LRP1B: variants seen among roughly 807,000 people sequenced by gnomAD.
LRP1B encodes low-density lipoprotein receptor-related protein 1B.
LRP1B carries 217 observed loss-of-function variants against 556.6 expected under a neutral mutation model. That is an observed-to-expected ratio of 0.39 (90% CI 0.35 to 0.44). The LOEUF is 0.44. LRP1B is among the 20% of genes least tolerant of loss of function. The pLI is 1.00. For missense variants in LRP1B, 5,053 were observed against 5,620.8 expected (o/e 0.90, Z 3.23); for synonymous variants, 2,047 against 1,865.8 (o/e 1.10, Z -2.50).
intron 2 of LRP1B, among the ~76,000 whole-genome samples, chr2:141,591,018 A>G (rs1687315126): frequency 6.6e-6 from 1 of 152,142 alleles, no homozygotes. Context: ...GCCATGGTAA[A>G]TAGCCTACGG....
intron 15 of LRP1B, among the ~76,000 whole-genome samples, chr2:140,995,500 T>G (rs1697218883): frequency 6.6e-6 from 1 of 152,078 alleles, no homozygotes; most frequent in Non-Finnish European, 1.5e-5. Context: ...TTTATATTTA[T>G]GCTGGGTGTG....
chr2:141,220,651 CG>C (rs1682998354), intron 6 of LRP1B, among the ~76,000 whole-genome samples: 3 of 147,000 alleles, frequency 2.0e-5, no homozygotes, highest in Admixed American at 1.4e-4. Flanking sequence ...AAAATGTTAA[CG>C]ACAGACAGAG....
At chr2:141,122,297 C>T (rs1314725562) in intron 7 of LRP1B, among the ~76,000 whole-genome samples, 2 of 151,758 alleles carry the variant, frequency 1.3e-5, no homozygotes, top group East Asian at 1.9e-4. Context: ...AAGAAACTAC[C>T]ATCAGAGTGA....
chr2:140,941,410 G>C (rs907431020), intron 20 of LRP1B, among the ~76,000 whole-genome samples: 6 of 152,104 alleles, frequency 3.9e-5, no homozygotes, highest in Non-Finnish European at 5.9e-5. Flanking sequence ...GGTGAAGAAG[G>C]AGGACATTGG....
chr2:140,561,091 T>TA (rs1311072968), intron 43 of LRP1B, among the ~76,000 whole-genome samples: 1 of 152,074 alleles, frequency 6.6e-6, no homozygotes, highest in East Asian at 1.9e-4. Context: ...AGGCAAGCCA[T>TA]AAAAAATACA....
chr2:141,280,068 C>T (rs1357130187), intron 3 of LRP1B, among the ~76,000 whole-genome samples: 1 of 152,006 alleles, frequency 6.6e-6, no homozygotes, highest in African/African-American at 2.4e-5. Flanking sequence ...AAAGGAAAAC[C>T]ATAATTATGG....
At chr2:142,102,920 A>C (rs1303332194) in intron 1 of LRP1B, among the ~76,000 whole-genome samples, 1 of 151,900 alleles carries the variant, frequency 6.6e-6, no homozygotes, top group African/African-American at 2.4e-5. Context: ...GCACTATTTT[A>C]ATTACTCCTT....
intron 32 of LRP1B, among the ~76,000 whole-genome samples, chr2:140,803,996 A>G (rs1042292083): frequency 7.3e-5 from 11 of 151,698 alleles, no homozygotes; most frequent in African/African-American, 2.2e-4. Flanking sequence ...GGTCTTCTGA[A>G]AAGCAAAGAT....
intron 41 of LRP1B, among the ~76,000 whole-genome samples, chr2:140,684,972 T>C (rs1440265749): frequency 6.6e-6 from 1 of 152,186 alleles, no homozygotes; most frequent in Non-Finnish European, 1.5e-5. Flanking sequence ...TACTCATACA[T>C]GCATATTCTA....
intron 66 of LRP1B, among the ~76,000 whole-genome samples, chr2:140,399,752 C>T (rs929291241): frequency 1.3e-5 from 2 of 152,088 alleles, no homozygotes; most frequent in African/African-American, 4.8e-5. Flanking sequence ...GCTGTAAAGA[C>T]TTTATGGAAA....
intron 2 of LRP1B, among the ~76,000 whole-genome samples, chr2:141,766,974 G>T (rs1694752688): frequency 6.6e-6 from 1 of 152,010 alleles, no homozygotes; most frequent in South Asian, 2.1e-4. Flanking sequence ...TTACCTCTTT[G>T]CACAAATCTT....
At chr2:141,933,518 T>C (rs1178242779) in intron 1 of LRP1B, among the ~76,000 whole-genome samples, 3 of 152,248 alleles carry the variant, frequency 2.0e-5, no homozygotes, top group South Asian at 2.1e-4. Flanking sequence ...CCCCATGTCA[T>C]GACAACACCA....
intron 2 of LRP1B, among the ~76,000 whole-genome samples, chr2:141,700,264 G>T (rs1378935830): frequency 2.0e-5 from 3 of 151,764 alleles, no homozygotes; most frequent in Admixed American, 6.6e-5. Context: ...GCTGGTATTT[G>T]TTTATTCCCC....
intron 18 of LRP1B, among the ~76,000 whole-genome samples, chr2:140,978,228 G>T (rs1194056174): frequency 6.6e-6 from 1 of 152,126 alleles, no homozygotes; most frequent in Non-Finnish European, 1.5e-5. Context: ...AATAAATTAG[G>T]TTTGAAAATA....
At chr2:141,213,219 G>C (rs1332175022) in intron 6 of LRP1B, among the ~76,000 whole-genome samples, 1 of 151,176 alleles carries the variant, frequency 6.6e-6, no homozygotes, top group Non-Finnish European at 1.5e-5. Context: ...CCACAGTGCT[G>C]GGATTACAGA....
At chr2:141,016,924 C>G (rs1049641658) in intron 12 of LRP1B, among the ~76,000 whole-genome samples, 26 of 152,100 alleles carry the variant, frequency 1.7e-4, no homozygotes, top group Non-Finnish European at 3.5e-4. Flanking sequence ...GTCACCATGA[C>G]GAAAAATCCT....
chr2:141,534,018 T>C (rs1559125657), intron 2 of LRP1B, among the ~76,000 whole-genome samples: 2 of 150,074 alleles, frequency 1.3e-5, no homozygotes, highest in Non-Finnish European at 1.5e-5. Context: ...CTCTCTCTCA[T>C]ACACACACGA....
chr2:140,308,730 A>T (rs1432675899), intron 83 of LRP1B, among the ~76,000 whole-genome samples: 1 of 151,898 alleles, frequency 6.6e-6, no homozygotes, highest in Non-Finnish European at 1.5e-5. Flanking sequence ...GAGTGTAAGG[A>T]ATAGCAGTAT....
intron 1 of LRP1B, among the ~76,000 whole-genome samples, chr2:141,927,085 A>G (rs1237384181): frequency 6.6e-6 from 1 of 152,238 alleles, no homozygotes; most frequent in South Asian, 2.1e-4. Context: ...AGGGTTCCAT[A>G]TGGCACCTTA....
Sources: allele counts gnomAD v4.1 joint callset (sites outside exome capture counted in the v4.1 genomes callset), GRCh38; gene constraint gnomAD v4.1.1; transcripts MANE v1.5; gene names NCBI Gene and HGNC (gene_info 2026-07-23, HGNC 2026-07-21).